The following NLRC5 variants were observed in gnomAD, a reference collection of about 807,000 sequenced individuals.
The protein encoded by NLRC5 is protein NLRC5.
NLRC5 carries 114 observed loss-of-function variants against 206.9 expected under a neutral mutation model. The observed-to-expected ratio is 0.55, with a 90% CI of 0.47 to 0.64. The LOEUF (loss-of-function observed/expected upper bound fraction) is 0.64, where lower values mean the gene tolerates loss of function less well. NLRC5 is among the 30% of genes least tolerant of loss of function. NLRC5 has a pLI of 0.00. For synonymous variants in NLRC5, 952 were observed against 962.8 expected, an observed-to-expected ratio of 0.99 and a Z score of 0.21; for missense variants, 2,008 against 2,305.5, an observed-to-expected ratio of 0.87 and a Z score of 2.64.
chr16:57,075,094 G>C (rs1446224795), intron 39 of NLRC5, among the ~76,000 whole-genome samples: 4 of 125,014 alleles, frequency 3.2e-5, no homozygotes, highest in African/African-American at 1.2e-4. Flanking sequence ...CAGTGGCAAT[G>C]CACAGGTGCA....
Position 57,036,146 on chromosome 16 carries a change from G to C in NLRC5, c.2674G>C (p.Glu892Gln). The change falls in exon 14 of 49, where the codon GAG (glutamate) becomes CAG (glutamine). Residue 892 changes from glutamate to glutamine, a missense_variant. Glu to Gln is a conservative substitution (Grantham distance 29, BLOSUM62 2). Coordinates refer to ENST00000688547, the MANE Select transcript of NLRC5 (RefSeq NM_001384950.1). Reference protein sequence around the residue: ...LEDEGCRLMAEAASQLHIARK... With the variant: ...LEDEGCRLMAQAASQLHIARK... ...AGATGAAGGCTGTCGGCTGATGGCA[G>C]AGGCTGCATCCCAGCTGCACATCGC... The C allele has an allele frequency of 6.2e-7, 1 of 1,613,640 alleles. No homozygotes were observed. Among genetic ancestry groups the C allele is most frequent in the Non-Finnish European group, 8.5e-7 (1 of 1,180,026 alleles).
intron 48 of NLRC5, among the ~76,000 whole-genome samples, 155 bp from the exon 49 acceptor site, chr16:57,082,262 C>T (rs891089054): frequency 1.1e-4 from 17 of 152,136 alleles, no homozygotes; most frequent in African/African-American, 3.4e-4. Context: ...TGGGGTACAC[C>T]CTCTCCCTAG....
At chr16:57,082,025 G>A (rs1472089273) in intron 48 of NLRC5, among the ~76,000 whole-genome samples, 2 of 152,234 alleles carry the variant, frequency 1.3e-5, no homozygotes, top group East Asian at 3.9e-4. Context: ...AAACCTAAGG[G>A]GCACCATTCA....
intron 1 of NLRC5, among the ~76,000 whole-genome samples, chr16:57,000,054 C>A (rs527446450): frequency 2.6e-5 from 4 of 152,180 alleles, no homozygotes; most frequent in Admixed American, 6.5e-5. Flanking sequence ...CCAGGTGATG[C>A]CGTCGTGCAG....
chr16:57,026,716 G>A lies in NLRC5; in HGVS notation c.1773G>A (p.Lys591=). 1 of 1,614,068 alleles carries A rather than the reference G, an allele frequency of 6.2e-7. No individual in the cohort carries two copies. The highest frequency in any genetic ancestry group is 1.1e-5 in the South Asian group (1 of 91,090). The change falls in exon 6 of 49, where the codon AAG becomes AAA. Residue 591 remains lysine (K), a synonymous_variant. Transcript: ENST00000688547. ...AQGNEDCVGA[K]QAAVVQVLKK... ...GCAATGAGGACTGTGTGGGTGCCAA[G>A]CAGGCTGCTGTAGTGCAGGTGTTGA...
rs138263962 is a variant in NLRC5, at chr16:57,049,330, T to G, written c.3422+1702T>G. On this transcript the variant is annotated intron_variant, in intron 23 of 48. Transcript: ENST00000688547. ...AAAAAGCACTCTTACGTGATTTGACTGTTAAGTACCTATTGTATACCATGC... is the reference window on the plus strand; with the variant it reads ...AAAAAGCACTCTTACGTGATTTGACGGTTAAGTACCTATTGTATACCATGC... Among the ~76,000 whole-genome samples the G allele has an allele frequency of 1.6e-4, 24 of 152,348 alleles. No individual in the cohort carries two copies. The East Asian group carries it at 4.6e-3, about 29-fold the overall frequency.
chr16:57,037,281 T>C lies in NLRC5; in HGVS notation c.2798T>C (p.Ile933Thr). Reference protein sequence around the residue: ...SACWTLAELHISLQHKTVIFM... With the variant: ...SACWTLAELHTSLQHKTVIFM... The stretch of plus-strand genomic sequence containing the variant: ...TGCTGGACCCTGGCAGAGCTGCACA[T>C]CAGGTGGGAGCTCCCTCAGACCACG... Residue 933 changes from isoleucine to threonine, a missense_variant, in exon 15 of 49, where the codon ATC becomes ACC. Transcript: ENST00000688547. 1.2e-6 allele frequency: 2 copies of C among 1,612,032 alleles called. No individual in the cohort carries two copies. Among genetic ancestry groups the C allele is most frequent in the Non-Finnish European group, 1.7e-6 (2 of 1,179,406 alleles).
At chr16:57,043,369 T>C in intron 19 of NLRC5, 146 bp from the exon 20 acceptor site, 1 of 741,276 alleles carries the variant, frequency 1.3e-6, no homozygotes, top group Admixed American at 1.8e-5. Context: ...CATGAGGACT[T>C]GCAAGGGGTG....
At chr16:56,994,397 C>T (rs2057345178) in intron 1 of NLRC5, among the ~76,000 whole-genome samples, 1 of 152,176 alleles carries the variant, frequency 6.6e-6, no homozygotes, top group Non-Finnish European at 1.5e-5. Flanking sequence ...ATCATGAGTG[C>T]ATTCAGCTTC....
chr16:57,010,625 G>A (rs769136445), intron 1 of NLRC5, among the ~76,000 whole-genome samples: 15 of 152,202 alleles, frequency 9.9e-5, no homozygotes, highest in Non-Finnish European at 2.1e-4. Flanking sequence ...CTCCCACCTC[G>A]GCCTCCCAAA....
intron 27 of NLRC5, among the ~76,000 whole-genome samples, 184 bp downstream of exon 27, chr16:57,055,703 C>T (rs1014092480): frequency 5.9e-5 from 9 of 152,302 alleles, no homozygotes; most frequent in Admixed American, 1.3e-4. Context: ...TTCTCTCTCC[C>T]GCCCCCACTC....
chr16:57,033,793 C>A, intron 12 of NLRC5, 124 bp downstream of exon 12: 1 of 912,532 alleles, frequency 1.1e-6, no homozygotes, highest in Non-Finnish European at 1.7e-6. Context: ...AAGGATTAGC[C>A]GGGTGTGGTG....
intron 11 of NLRC5, among the ~76,000 whole-genome samples, chr16:57,032,875 A>G (rs886315802): frequency 1.3e-5 from 2 of 151,376 alleles, no homozygotes; most frequent in Non-Finnish European, 2.9e-5. Flanking sequence ...ATTCACTCCT[A>G]TAGTACCAGT....
chr16:57,044,330 A>C (rs2063673355), intron 20 of NLRC5, among the ~76,000 whole-genome samples: 1 of 151,612 alleles, frequency 6.6e-6, no homozygotes, highest in Non-Finnish European at 1.5e-5. Context: ...AGAAAAGAAA[A>C]CTGGGAGCTT....
chr16:57,036,052 G>A lies in NLRC5; in HGVS notation c.2628-48G>A, dbSNP rs529678048. 5.1e-6 allele frequency: 8 copies of A among 1,555,542 alleles called. No homozygotes were observed. The Admixed American group carries it at 1.0e-4, about 20-fold the overall frequency. On this transcript the variant is annotated intron_variant, in intron 13 of 48. Transcript: ENST00000688547. ...AGGAGGAGTAAGTGATGGGGATTGA[G>A]GGAGGACTCCAGCCCCACAATACAG...
At chr16:57,034,645 G>T (rs2062298904) in intron 13 of NLRC5, 1 of 162,352 alleles carries the variant, frequency 6.2e-6, no homozygotes, top group Non-Finnish European at 1.3e-5. Flanking sequence ...CTCTTGCTGA[G>T]ATCTGCCAAG....
At chr16:57,000,131 G>C (rs566273383) in intron 1 of NLRC5, among the ~76,000 whole-genome samples, 1 of 152,130 alleles carries the variant, frequency 6.6e-6, no homozygotes, top group African/African-American at 2.4e-5. Flanking sequence ...ACACGCAAGC[G>C]GGAGCCTTCT....
Position 57,077,725 on chromosome 16 carries a change from A to G in NLRC5, c.4926A>G (p.Ser1642=). The change falls in exon 42 of 49, where the codon TCA becomes TCG. Residue 1642 remains serine (S), a synonymous_variant. Transcript: ENST00000688547. ...GLPELRKIDL[S]GNSISSAGGV... Reference sequence around the variant, plus strand: ...GGCTGCCCCCCTCCCACAGCCTCTCAGGGAATAGCATCAGCTCAGCCGGGG... The same window carrying G: ...GGCTGCCCCCCTCCCACAGCCTCTCGGGGAATAGCATCAGCTCAGCCGGGG... 6.3e-7 allele frequency: 1 copy of G among 1,583,210 alleles called. No individual in the cohort carries two copies. Among genetic ancestry groups the G allele is most frequent in the Non-Finnish European group, 8.6e-7 (1 of 1,162,608 alleles).
At chr16:56,990,047 T>A (rs548163556) in intron 1 of NLRC5, among the ~76,000 whole-genome samples, 1 of 152,364 alleles carries the variant, frequency 6.6e-6, no homozygotes, top group African/African-American at 2.4e-5. Flanking sequence ...CTTTTTGGCC[T>A]AAACAACTTT....
Sources: gnomAD v4.1 joint callset for allele counts (sites outside exome capture counted in the v4.1 genomes callset) on GRCh38, gnomAD v4.1.1 for gene constraint, MANE v1.5 for transcripts, NCBI Gene and HGNC (gene_info 2026-07-23, HGNC 2026-07-21) for gene names.